Variants in TENM3 observed in about 807,000 individuals in gnomAD.
TENM3 encodes teneurin transmembrane protein 3, also known as teneurin-3.
TENM3 carries 63 observed loss-of-function variants against 255.1 expected under a neutral mutation model. The ratio of observed to expected loss-of-function variants is 0.25; its 90% CI spans 0.20 to 0.30. The LOEUF is 0.30. Ranked by LOEUF, TENM3 falls within the 10% of genes least tolerant of loss-of-function variation. TENM3 has a pLI of 1.00. For missense variants in TENM3, 2,929 were observed against 3,461.1 expected (o/e 0.85, Z 3.86); for synonymous variants, 1,306 against 1,322.3 (o/e 0.99, Z 0.27).
chr4:181,996,071 G>A, the TENM3 span, among the ~76,000 whole-genome samples: 1 of 151,302 alleles, frequency 6.6e-6, no homozygotes, highest in Non-Finnish European at 1.5e-5. Context: ...TAAGAGGAAA[G>A]CATTGGAATG....
At chr4:181,633,330 T>C in the TENM3 span, among the ~76,000 whole-genome samples, 1 of 152,144 alleles carries the variant, frequency 6.6e-6, no homozygotes, top group South Asian at 2.1e-4. Flanking sequence ...GGTAGATAAT[T>C]ATTTTAGCAG....
chr4:182,432,031 C>T (rs1771689545), intron 3 of TENM3, among the ~76,000 whole-genome samples: 1 of 147,410 alleles, frequency 6.8e-6, no homozygotes, highest in South Asian at 2.1e-4. Context: ...GGCCGAGATC[C>T]GAGATCGCGC....
the TENM3 span, among the ~76,000 whole-genome samples, chr4:181,723,416 G>A: frequency 4.6e-5 from 7 of 151,430 alleles, no homozygotes; most frequent in Non-Finnish European, 8.8e-5. Context: ...CTTTTTGGTA[G>A]AGCACATTTC....
chr4:182,254,117 G>A (rs185447281), intron 1 of TENM3, among the ~76,000 whole-genome samples: 1 of 152,232 alleles, frequency 6.6e-6, no homozygotes, highest in African/African-American at 2.4e-5. Flanking sequence ...TGTTCTGTCT[G>A]GTGGAGCGTA....
the TENM3 span, among the ~76,000 whole-genome samples, chr4:181,934,255 T>C: frequency 6.6e-6 from 1 of 152,082 alleles, no homozygotes. Flanking sequence ...ATGACTTGAG[T>C]CTGTACAGTG....
At chr4:181,657,915 T>G in the TENM3 span, among the ~76,000 whole-genome samples, 1 of 152,130 alleles carries the variant, frequency 6.6e-6, no homozygotes, top group Non-Finnish European at 1.5e-5. Context: ...GTGTTCTCAC[T>G]TACAAGCGGG....
At chr4:181,921,993 G>A in the TENM3 span, among the ~76,000 whole-genome samples, 33 of 152,080 alleles carry the variant, frequency 2.2e-4, no homozygotes, top group African/African-American at 2.7e-4. Context: ...TGAGATAATC[G>A]TGTGATTTTT....
At chr4:181,505,382 G>A in the TENM3 span, among the ~76,000 whole-genome samples, 2 of 152,170 alleles carry the variant, frequency 1.3e-5, no homozygotes, top group Non-Finnish European at 2.9e-5. Context: ...TCCTACAAAT[G>A]CAATAATACC....
chr4:181,888,524 ATACATATATG>A, the TENM3 span, among the ~76,000 whole-genome samples: 118 of 91,562 alleles, frequency 1.3e-3, 5 homozygotes, highest in African/African-American at 6.1e-3. Context: ...ATGTATATAT[ATACATATATG>A]TGTATATATA....
chr4:181,577,418 A>AT, the TENM3 span, among the ~76,000 whole-genome samples: 5 of 151,428 alleles, frequency 3.3e-5, no homozygotes, highest in African/African-American at 1.2e-4. Flanking sequence ...AGGTTTGAGA[A>AT]TTTTTCATGC....
the TENM3 span, among the ~76,000 whole-genome samples, chr4:181,586,965 G>A: frequency 1.2e-3 from 181 of 152,164 alleles, no homozygotes; most frequent in African/African-American, 4.0e-3. Context: ...TCAATAACAC[G>A]TTAATCAGCT....
At chr4:181,510,703 A>G in the TENM3 span, among the ~76,000 whole-genome samples, 230 of 152,330 alleles carry the variant, frequency 1.5e-3, 1 homozygote, top group African/African-American at 5.1e-3. Context: ...AAGCATCTGA[A>G]AGGTAACACG....
At chr4:182,747,603 G>C (rs2309695) in intron 19 of TENM3, among the ~76,000 whole-genome samples, 151,901 of 152,312 alleles carry the variant, frequency 1, 75,746 homozygotes, top group Middle Eastern at 1. Flanking sequence ...CTCACACATT[G>C]CAAAATTTAA....
At chr4:182,785,709 A>AGAT (rs1161370151) in intron 24 of TENM3, among the ~76,000 whole-genome samples, 2 of 136,518 alleles carry the variant, frequency 1.5e-5, no homozygotes, top group Non-Finnish European at 3.2e-5. Context: ...CCCTGTCTCA[A>AGAT]GATAAAAAAA....
intron 1 of TENM3, among the ~76,000 whole-genome samples, chr4:182,157,833 T>C (rs1291186797): frequency 3.3e-5 from 5 of 152,164 alleles, no homozygotes; most frequent in Admixed American, 6.5e-5. Flanking sequence ...CAAGCCCAAC[T>C]TCACGAACAG....
At chr4:182,431,272 G>A (rs887483214) in intron 3 of TENM3, among the ~76,000 whole-genome samples, 2 of 151,956 alleles carry the variant, frequency 1.3e-5, no homozygotes, top group South Asian at 4.2e-4. Context: ...GAGACAGGCG[G>A]ATTATGAGGT....
intron 3 of TENM3, among the ~76,000 whole-genome samples, chr4:182,551,219 TAAAA>T (rs34487025): frequency 8.9e-6 from 1 of 112,256 alleles, no homozygotes; most frequent in Non-Finnish European, 1.8e-5. Context: ...AGACTCCATC[TAAAA>T]AAAAAAAAAA....
At chr4:181,968,990 C>CTA in the TENM3 span, among the ~76,000 whole-genome samples, 623 of 94,804 alleles carry the variant, frequency 6.6e-3, 8 homozygotes, top group African/African-American at 0.022. Context: ...CTCTCTCTCT[C>CTA]TCTATATACA....
chr4:182,628,991 A>G, intron 5 of TENM3, 102 bp downstream of exon 5: 1 of 740,640 alleles, frequency 1.4e-6, no homozygotes, highest in South Asian at 1.9e-5. Context: ...TTGTGAGATT[A>G]TATTTGGTGG....
Sources: gnomAD v4.1 joint callset for allele counts (sites outside exome capture counted in the v4.1 genomes callset) on GRCh38, gnomAD v4.1.1 for gene constraint, MANE v1.5 for transcripts, NCBI Gene and HGNC (gene_info 2026-07-23, HGNC 2026-07-21) for gene names.